Variants in DLC1 observed in about 807,000 individuals in gnomAD.
DLC1 encodes rho GTPase-activating protein 7.
Under a neutral mutation model 140.3 loss-of-function variants are expected in DLC1, and 54 were observed. That is an observed-to-expected ratio of 0.38 (90% CI 0.31 to 0.48). The LOEUF (loss-of-function observed/expected upper bound fraction) is 0.48, where lower values mean the gene tolerates loss of function less well. Among genes scored for constraint, DLC1 ranks in the 20% least tolerant of loss-of-function variants. The pLI is 0.96. For missense variants in DLC1, 2,536 were observed against 1,907.0 expected (o/e 1.33, Z -6.14); for synonymous variants, 986 against 728.1 (o/e 1.35, Z -5.70).
intron 5 of DLC1, among the ~76,000 whole-genome samples, chr8:13,238,416 G>A (rs1829389347): frequency 6.6e-6 from 1 of 152,008 alleles, no homozygotes; most frequent in African/African-American, 2.4e-5. Flanking sequence ...GGGGAGGTGA[G>A]GCAGGAGAAT....
intron 5 of DLC1, among the ~76,000 whole-genome samples, chr8:13,232,690 C>T (rs1829105191): frequency 6.6e-6 from 1 of 152,186 alleles, no homozygotes; most frequent in African/African-American, 2.4e-5. Context: ...CTCTGACATT[C>T]ACATTCATTT....
chr8:13,304,915 T>C (rs1832354537), intron 5 of DLC1: 1 of 1,002,332 alleles, frequency 1.0e-6, no homozygotes. Context: ...TACTAAGTCA[T>C]TAAGAGTAAA....
intron 5 of DLC1, among the ~76,000 whole-genome samples, chr8:13,221,997 ATAT>A (rs1004013985): frequency 2.7e-5 from 4 of 146,276 alleles, no homozygotes; most frequent in South Asian, 2.1e-4. Context: ...ATAATATATA[ATAT>A]TATAAACCAT....
chr8:13,207,941 C>T (rs564178046), intron 5 of DLC1, among the ~76,000 whole-genome samples: 1 of 152,096 alleles, frequency 6.6e-6, no homozygotes, highest in Non-Finnish European at 1.5e-5. Flanking sequence ...AGTTTGGAGG[C>T]CACTGTAAGT....
intron 2 of DLC1, among the ~76,000 whole-genome samples, chr8:13,490,840 C>G (rs560778394): frequency 1.1e-4 from 16 of 152,040 alleles, no homozygotes; most frequent in African/African-American, 3.6e-4. Context: ...CTGTTAACAG[C>G]TGATGTAAAT....
chr8:13,326,891 T>C (rs1252571815), intron 4 of DLC1, among the ~76,000 whole-genome samples: 3 of 152,194 alleles, frequency 2.0e-5, no homozygotes, highest in African/African-American at 7.2e-5. Flanking sequence ...TGCATATGGC[T>C]GCACCCAAGG....
chr8:13,601,744 G>C (rs185309894), intron 1 of DLC1, among the ~76,000 whole-genome samples: 1 of 151,488 alleles, frequency 6.6e-6, no homozygotes, highest in East Asian at 1.9e-4. Flanking sequence ...AAAAACCTGA[G>C]ACAATTAATT....
At chr8:13,402,309 G>C (rs1235319971) in intron 2 of DLC1, among the ~76,000 whole-genome samples, 1 of 152,124 alleles carries the variant, frequency 6.6e-6, no homozygotes, top group African/African-American at 2.4e-5. Context: ...TTAATCATAG[G>C]AGTAGCTAAA....
chr8:13,551,781 A>G (rs1048640037), intron 1 of DLC1, among the ~76,000 whole-genome samples: 6 of 151,210 alleles, frequency 4.0e-5, no homozygotes, highest in South Asian at 2.1e-4. Flanking sequence ...TCTATCAAAC[A>G]TATATGTATC....
intron 5 of DLC1, among the ~76,000 whole-genome samples, chr8:13,187,529 A>C (rs1284941056): frequency 6.6e-6 from 1 of 152,206 alleles, no homozygotes; most frequent in Non-Finnish European, 1.5e-5. Context: ...TGAGGACGGC[A>C]TCCCAAGATG....
chr8:13,214,451 C>T, intron 5 of DLC1: 1 of 594,676 alleles, frequency 1.7e-6, no homozygotes, highest in South Asian at 2.1e-5. Flanking sequence ...TCAAACATGA[C>T]CTGTGGTCTG....
intron 2 of DLC1, among the ~76,000 whole-genome samples, chr8:13,435,569 C>T (rs908741636): frequency 1.3e-5 from 2 of 152,168 alleles, no homozygotes; most frequent in Non-Finnish European, 2.9e-5. Flanking sequence ...CCGCCTCGGC[C>T]TCCCAAAGTG....
chr8:13,214,573 T>TG, intron 5 of DLC1: 1 of 662,586 alleles, frequency 1.5e-6, no homozygotes, highest in Non-Finnish European at 2.7e-6. Context: ...TTTTTTTTTT[T>TG]TGTGGCTGCC....
Position 13,102,820 on chromosome 8 carries a change from C to G in DLC1, c.1536G>C (p.Met512Ile). Residue 512 changes from methionine (M) to isoleucine (I), a missense_variant, in exon 8 of 18, where the codon ATG (methionine) becomes ATC (isoleucine). Physicochemically the swap from Met to Ile is conservative, Grantham distance 10. Transcript: ENST00000276297. ...RLNTLNKCAV[M>I]KLEISPHRKR... ...TCCGATGAGGACTAATTTCTAGCTT[C>G]ATCACCGCACATTTGTTTAAAGTAT... 1 of 1,614,056 alleles carries G rather than the reference C, an allele frequency of 6.2e-7. No homozygotes were observed. Among genetic ancestry groups the G allele is most frequent in the Non-Finnish European group, 8.5e-7 (1 of 1,179,984 alleles).
chr8:13,376,005 T>G (rs1003278153), intron 4 of DLC1, among the ~76,000 whole-genome samples: 1 of 152,190 alleles, frequency 6.6e-6, no homozygotes, highest in South Asian at 2.1e-4. Flanking sequence ...TATTTTCACA[T>G]GCACGAACCG....
intron 4 of DLC1, among the ~76,000 whole-genome samples, chr8:13,375,918 G>A (rs934737079): frequency 2.6e-5 from 4 of 152,004 alleles, no homozygotes; most frequent in Admixed American, 1.3e-4. Flanking sequence ...AGTCAACATC[G>A]GCTACAAAAT....
intron 1 of DLC1, among the ~76,000 whole-genome samples, chr8:13,593,773 A>T (rs1270678921): frequency 6.6e-6 from 1 of 152,152 alleles, no homozygotes; most frequent in Non-Finnish European, 1.5e-5. Flanking sequence ...AAGTGAAACA[A>T]TGAAAATTAA....
intron 5 of DLC1, among the ~76,000 whole-genome samples, chr8:13,230,443 G>A (rs969248222): frequency 6.6e-6 from 1 of 152,140 alleles, no homozygotes; most frequent in African/African-American, 2.4e-5. Context: ...ATAAAGCAAG[G>A]TTAGGTGGCA....
At chr8:13,134,969 G>A (rs1454610838) in intron 5 of DLC1, among the ~76,000 whole-genome samples, 1 of 152,108 alleles carries the variant, frequency 6.6e-6, no homozygotes, top group Non-Finnish European at 1.5e-5. Flanking sequence ...GGAAGCAACA[G>A]GGTTGTATGA....
Sources: allele counts gnomAD v4.1 joint callset (sites outside exome capture counted in the v4.1 genomes callset), GRCh38; gene constraint gnomAD v4.1.1; transcripts MANE v1.5; gene names NCBI Gene and HGNC (gene_info 2026-07-23, HGNC 2026-07-21).